Variants in WWOX observed in about 807,000 individuals in gnomAD.
WWOX encodes the protein WW domain containing oxidoreductase, also known as WW domain-containing oxidoreductase.
WWOX carries 69 observed loss-of-function variants against 46.2 expected under a neutral mutation model. The observed-to-expected ratio is 1.49, with a 90% CI of 1.23 to 1.82. The LOEUF (loss-of-function observed/expected upper bound fraction) is 1.82, where lower values mean the gene tolerates loss of function less well. WWOX is among the 40% of genes most tolerant of loss of function. The pLI, the probability that WWOX is intolerant of heterozygous loss-of-function variation, is 0.00. For synonymous variants in WWOX, 359 were observed against 202.6 expected (o/e 1.77, Z -6.56); for missense variants, 919 against 542.6 (o/e 1.69, Z -6.89).
intron 8 of WWOX, among the ~76,000 whole-genome samples, chr16:78,813,281 T>A (rs2051240463): frequency 6.6e-6 from 1 of 152,128 alleles, no homozygotes; most frequent in Non-Finnish European, 1.5e-5. Context: ...TTCCCCTTAA[T>A]TTCCTTTTTT....
chr16:78,888,800 A>G (rs114577549), intron 8 of WWOX, among the ~76,000 whole-genome samples: 2 of 140,254 alleles, frequency 1.4e-5, no homozygotes, highest in Non-Finnish European at 3.2e-5. Context: ...CAGTTCTAAG[A>G]GGATATTGAT....
chr16:78,646,481 G>A (rs1256616114), intron 8 of WWOX, among the ~76,000 whole-genome samples: 1 of 152,000 alleles, frequency 6.6e-6, no homozygotes, highest in African/African-American at 2.4e-5. Context: ...AGGCTGGGGT[G>A]CAGTGGCGTG....
At position 78,340,284 on chromosome 16, in the gene WWOX, C is replaced by T. The variant is rs541542131; in HGVS notation, c.517-46576C>T. Among the ~76,000 whole-genome samples the T allele has an allele frequency of 5.5e-3, 642 of 116,306 alleles. 191 individuals are homozygous for T. The highest frequency in any genetic ancestry group is 0.017 in the Middle Eastern group (4 of 240). 76.3% of individuals were successfully genotyped at this position (116,306 alleles called of 152,430 possible). On this transcript the variant is annotated intron_variant, in intron 5 of 8. Coordinates refer to ENST00000566780, the MANE Select transcript of WWOX (RefSeq NM_016373.4). ...TGATCCTGCCTAACTGCAACCTCCA[C>T]CTCCCAGGTTCAAGTGACTGTCCTG...
At chr16:78,336,635 G>A (rs777792816) in intron 5 of WWOX, among the ~76,000 whole-genome samples, 16 of 152,076 alleles carry the variant, frequency 1.1e-4, no homozygotes, top group Non-Finnish European at 2.1e-4. Context: ...ACTTTGGGAG[G>A]TAAGGACTTC....
At chr16:79,109,488 T>G (rs1007816452) in intron 8 of WWOX, among the ~76,000 whole-genome samples, 3 of 152,122 alleles carry the variant, frequency 2.0e-5, no homozygotes, top group African/African-American at 7.2e-5. Flanking sequence ...ATTCAAGGAT[T>G]TATGTTGTTA....
intron 8 of WWOX, among the ~76,000 whole-genome samples, chr16:78,753,974 C>T (rs1237111212): frequency 6.7e-6 from 1 of 149,990 alleles, no homozygotes; most frequent in Non-Finnish European, 1.5e-5. Flanking sequence ...TCCAATTTAT[C>T]CATCTCAAGA....
chr16:78,939,185 A>G (rs1294236148), intron 8 of WWOX, among the ~76,000 whole-genome samples: 1 of 152,142 alleles, frequency 6.6e-6, no homozygotes, highest in East Asian at 1.9e-4. Context: ...AACAGTTTAT[A>G]TAATCATCAA....
intron 8 of WWOX, among the ~76,000 whole-genome samples, chr16:78,972,891 C>G (rs2046499381): frequency 6.6e-6 from 1 of 152,194 alleles, no homozygotes; most frequent in Non-Finnish European, 1.5e-5. Flanking sequence ...TAAGGGCTGC[C>G]TGTCATTTTA....
intron 8 of WWOX, among the ~76,000 whole-genome samples, chr16:78,526,786 T>C (rs1021763826): frequency 6.6e-6 from 1 of 152,118 alleles, no homozygotes; most frequent in Admixed American, 6.5e-5. Context: ...TCTCTCCTGC[T>C]TAGGAAATTT....
chr16:79,076,548 C>G (rs1335981645), intron 8 of WWOX, among the ~76,000 whole-genome samples: 2 of 152,226 alleles, frequency 1.3e-5, no homozygotes, highest in Non-Finnish European at 2.9e-5. Flanking sequence ...TCTAAGCTAA[C>G]TCTCCGATGA....
At chr16:78,793,765 A>T (rs941227767) in intron 8 of WWOX, among the ~76,000 whole-genome samples, 2 of 152,130 alleles carry the variant, frequency 1.3e-5, no homozygotes, top group Non-Finnish European at 2.9e-5. Context: ...TTTGAAGAGG[A>T]ATCCAGGTTA....
chr16:78,629,238 TA>T lies in WWOX; in HGVS notation c.1056+196487del, dbSNP rs755046104. On this transcript the variant is annotated intron_variant, in intron 8 of 8. Transcript: ENST00000566780. The stretch of plus-strand genomic sequence containing the variant: ...GGAAGACTTTTTCTCTTGGGTATTT[TA>T]TTTTTTTTTCCTCTGCAAGGGATGG... Among the ~76,000 whole-genome samples the T allele has an allele frequency of 4.1e-3, 613 of 150,438 alleles. 5 individuals are homozygous for T. The highest frequency in any genetic ancestry group is 0.024 in the East Asian group (122 of 5,138).
intron 8 of WWOX, among the ~76,000 whole-genome samples, chr16:78,945,860 G>C (rs568354957): frequency 1.3e-5 from 2 of 152,084 alleles, no homozygotes; most frequent in Admixed American, 1.3e-4. Context: ...GTAGTCACTG[G>C]ATAAGGAGCC....
intron 6 of WWOX, among the ~76,000 whole-genome samples, chr16:78,395,810 G>C (rs2151940640): frequency 6.6e-6 from 1 of 151,688 alleles, no homozygotes; most frequent in Admixed American, 6.6e-5. Context: ...CTTGATTTAT[G>C]CTGATGGAAA....
chr16:78,133,024 A>C (rs1279287332), intron 4 of WWOX, among the ~76,000 whole-genome samples: 1 of 152,140 alleles, frequency 6.6e-6, no homozygotes, highest in African/African-American at 2.4e-5. Context: ...TGGATCTACA[A>C]ATTCCAAGCA....
At chr16:78,354,685 G>C (rs1020700446) in intron 5 of WWOX, among the ~76,000 whole-genome samples, 2 of 146,574 alleles carry the variant, frequency 1.4e-5, no homozygotes, top group Admixed American at 1.4e-4. Context: ...TTCAATGTAA[G>C]AATATTCTTA....
intron 8 of WWOX, among the ~76,000 whole-genome samples, chr16:78,452,641 AATT>A: frequency 6.6e-6 from 1 of 151,346 alleles, no homozygotes; most frequent in East Asian, 2.0e-4. Flanking sequence ...ACACCTGGCT[AATT>A]ATTATGTTTT....
At position 78,109,480 on chromosome 16, in the gene WWOX, G is replaced by A. The variant is rs142644243; in HGVS notation, c.173-298G>A. ...TGCCCTGCATATACATATGTTCTTTGAGCTCATTCAAGGGAGAATTCCCAT... is the reference window on the plus strand; with the variant it reads ...TGCCCTGCATATACATATGTTCTTTAAGCTCATTCAAGGGAGAATTCCCAT... On this transcript the variant is annotated intron_variant, in intron 2 of 8. Coordinates refer to ENST00000566780, the MANE Select transcript of WWOX (RefSeq NM_016373.4). 1.9e-4 allele frequency among the ~76,000 whole-genome samples: 29 copies of A among 152,302 alleles called. No homozygotes were observed. In the East Asian group the frequency reaches 4.0e-3, roughly 21 times the overall value.
At chr16:78,271,597 TAGA>T (rs2151846815) in intron 5 of WWOX, among the ~76,000 whole-genome samples, 1 of 152,348 alleles carries the variant, frequency 6.6e-6, no homozygotes, top group South Asian at 2.1e-4. Context: ...TATAGGATGA[TAGA>T]AGGTCAGTGC....
Sources: allele counts gnomAD v4.1 joint callset (sites outside exome capture counted in the v4.1 genomes callset), GRCh38; gene constraint gnomAD v4.1.1; transcripts MANE v1.5; gene names NCBI Gene and HGNC (gene_info 2026-07-23, HGNC 2026-07-21).